The following KLHDC2 variants were observed in gnomAD, a reference collection of about 807,000 sequenced individuals.
KLHDC2 encodes the protein kelch domain-containing protein 2.
Under a neutral mutation model 62.3 loss-of-function variants are expected in KLHDC2, and 38 were observed. That is an observed-to-expected ratio of 0.61 (90% confidence interval 0.47 to 0.80). The LOEUF is 0.80. Ranked by LOEUF, KLHDC2 falls within the 30% of genes least tolerant of loss-of-function variation. KLHDC2 has a pLI of 0.00. For missense variants in KLHDC2, 430 were observed against 495.3 expected (o/e 0.87, Z 1.25); for synonymous variants, 159 against 161.0 (o/e 0.99, Z 0.09).
At position 49,768,501 on chromosome 14, in the gene KLHDC2, C is replaced by T. The variant is rs1170456704; in HGVS notation, c.33C>T (p.Asp11=). MADGNEDLRA[D]DLPGPAFESY... ...ATGGCAACGAGGATCTGCGGGCTGA[C>T]GACTTGCCTGGGCCAGCCTTCGAGA... The change falls in exon 1 of 13, where the codon GAC becomes GAT. Residue 11 remains aspartate (D), a synonymous_variant. Transcript: ENST00000298307. 6.2e-6 allele frequency: 10 copies of T among 1,609,992 alleles called. No individual in the cohort carries two copies. The Middle Eastern group carries it at 5.0e-4, about 80-fold the overall frequency.
chr14:49,771,824 C>A, intron 2 of KLHDC2, 151 bp downstream of exon 2: 1 of 520,304 alleles, frequency 1.9e-6, no homozygotes, highest in East Asian at 3.4e-5. Flanking sequence ...GGTGAAACCC[C>A]ATCTCTATTA....
rs780267278 is a variant in KLHDC2 at position 49,785,061 on chromosome 14, A to T, written c.*2108A>T. On this transcript the variant is annotated 3_prime_UTR_variant, in exon 13 of 13. Transcript: ENST00000298307. ...ACTGTTAAGTCACTGAACTGTTTAA[A>T]ATCATAATTCAAAAAAACAAATTTA... The T allele has an allele frequency of 3.7e-6, 6 of 1,607,906 alleles. No homozygotes were observed. In the East Asian group the frequency reaches 1.1e-4, roughly 30 times the overall value.
Position 49,779,614 on chromosome 14 carries a change from G to A in KLHDC2, c.653G>A (p.Arg218His), listed in dbSNP as rs1426623593. The change falls in exon 7 of 13, where the codon CGT becomes CAT. Residue 218 changes from arginine (R) to histidine (H), a missense_variant. Transcript: ENST00000298307. ...PITTGKAPSPRAAHACATVGN... is the reference protein window; with the variant it reads ...PITTGKAPSPHAAHACATVGN... ...TAATAGGGTAAAGCACCTTCACCTC[G>A]TGCTGCCCATGCCTGTGCAACTGTC... The A allele has an allele frequency of 8.1e-6, 13 of 1,613,926 alleles. No individual in the cohort carries two copies. The highest frequency in any genetic ancestry group is 1.1e-5 in the Non-Finnish European group (13 of 1,179,982).
intron 3 of KLHDC2, chr14:49,774,952 C>T (rs1275730706): frequency 5.5e-6 from 2 of 366,518 alleles, no homozygotes; most frequent in Non-Finnish European, 9.8e-6. Context: ...TCTCTTAGAA[C>T]CTTAAATGTT....
At position 49,782,475 on chromosome 14, in the gene KLHDC2, A is replaced by C; in HGVS notation, c.1044+18A>C. On this transcript the variant is annotated intron_variant, in intron 11 of 12. Transcript: ENST00000298307. ...ACAGAGCTGTAAGTATACTACCTTC[A>C]CATTATTACTGAAACTTACTTGCAA... is the stretch of plus-strand genomic sequence containing the variant. The C allele has an allele frequency of 6.2e-7, 1 of 1,601,244 alleles. No individual in the cohort carries two copies. Among genetic ancestry groups the C allele is most frequent in the Non-Finnish European group, 8.5e-7 (1 of 1,170,780 alleles).
chr14:49,785,225 G>C lies in KLHDC2; in HGVS notation c.*2272G>C. The C allele has an allele frequency of 6.2e-7, 1 of 1,612,642 alleles. No homozygotes were observed. Among genetic ancestry groups the C allele is most frequent in the Non-Finnish European group, 8.5e-7 (1 of 1,178,716 alleles). On this transcript the variant is annotated 3_prime_UTR_variant, in exon 13 of 13. Transcript: ENST00000298307. ...GTCAACTAATGGTAACTTACTTGTA[G>C]TTTGTCATGGTGGTGTAAGGGGCAC... is the stretch of plus-strand genomic sequence containing the variant.
At chr14:49,768,685 C>G in intron 1 of KLHDC2, 64 bp downstream of exon 1, 1 of 1,449,276 alleles carries the variant, frequency 6.9e-7, no homozygotes, top group Non-Finnish European at 9.1e-7. Flanking sequence ...CGTTCGCGGC[C>G]AGGCGGGGAG....
In KLHDC2 at chr14:49,771,644, A is replaced by G. The variant is rs138622163; in HGVS notation, c.204A>G (p.Leu68=). ...ACTTTTATCTGCCTAGAGAAGAACT[A>G]TGGATCTACAACATGGAGACTGGAA... ...LYDFYLPREE[L]WIYNMETGRW... Residue 68 remains leucine, a synonymous_variant, in exon 2 of 13, where the codon CTA becomes CTG. Coordinates refer to ENST00000298307, the MANE Select transcript of KLHDC2 (RefSeq NM_014315.3). 37 of 1,528,904 alleles carry G rather than the reference A, an allele frequency of 2.4e-5. No individual in the cohort carries two copies. Among genetic ancestry groups the G allele is most frequent in the African/African-American group, 1.6e-4 (12 of 73,200 alleles). 94.7% of individuals were successfully genotyped at this position (1,528,904 alleles called of 1,614,324 possible).
In KLHDC2 at chr14:49,768,700, G is replaced by T. The variant is rs1231282227; in HGVS notation, c.153+79G>T. The T allele has an allele frequency of 7.3e-6, 10 of 1,361,896 alleles. No individual in the cohort carries two copies. In the Admixed American group the frequency reaches 9.6e-5, roughly 13 times the overall value. 84.4% of individuals were successfully genotyped at this position (1,361,896 alleles called of 1,614,324 possible). The stretch of plus-strand genomic sequence containing the variant: ...CGTTCGCGGCCAGGCGGGGAGGCCA[G>T]AGCGGGCCGCCGAGGGCGCTCCCCG... On this transcript the variant is annotated intron_variant, in intron 1 of 12. Transcript: ENST00000298307.
intron 12 of KLHDC2, 58 bp downstream of exon 12, chr14:49,782,652 G>GA: frequency 1.4e-6 from 2 of 1,445,320 alleles, no homozygotes; most frequent in Non-Finnish European, 1.9e-6. Context: ...CTAAGACTTA[G>GA]CACTCTCGAA....
Position 49,778,120 on chromosome 14 carries a change from C to G in KLHDC2, c.468-58C>G. The G allele has an allele frequency of 2.5e-6, 3 of 1,178,016 alleles. No homozygotes were observed. In the South Asian group the frequency reaches 3.9e-5, roughly 15 times the overall value. 73.0% of individuals were successfully genotyped at this position (1,178,016 alleles called of 1,614,324 possible). ...TTAACACAGCACCTAAGATAAACTG[C>G]TTGTATCCTATCCTATGGGTATTTG... On this transcript the variant is annotated intron_variant, in intron 4 of 12. Transcript: ENST00000298307.
Position 49,768,430 on chromosome 14 carries a change from G to T in KLHDC2, c.-39G>T, listed in dbSNP as rs1414697001. 2 of 1,596,910 alleles carry T rather than the reference G, an allele frequency of 1.3e-6. No homozygotes were observed. The highest frequency in any genetic ancestry group is 1.7e-6 in the Non-Finnish European group (2 of 1,172,436). Reference sequence around the variant, plus strand: ...TCCTTTGTTTTTTTGGCCCCTCGCGGGTGTGGGCATTGTTGGTTAGCAAAA... The same window carrying T: ...TCCTTTGTTTTTTTGGCCCCTCGCGTGTGTGGGCATTGTTGGTTAGCAAAA... On this transcript the variant is annotated 5_prime_UTR_variant, in exon 1 of 13. Coordinates refer to ENST00000298307, the MANE Select transcript of KLHDC2 (RefSeq NM_014315.3).
chr14:49,781,439 G>T (rs1290365105), intron 10 of KLHDC2, among the ~76,000 whole-genome samples: 1 of 151,360 alleles, frequency 6.6e-6, no homozygotes, highest in African/African-American at 2.4e-5. Flanking sequence ...CACATGGGAG[G>T]CGAGGTACAG....
At chr14:49,772,695 G>A (rs771971868) in intron 2 of KLHDC2, among the ~76,000 whole-genome samples, 1 of 152,158 alleles carries the variant, frequency 6.6e-6, no homozygotes, top group African/African-American at 2.4e-5. Context: ...TGTGGCTCAC[G>A]CCTGTAATCC....
In KLHDC2 at chr14:49,782,849, A is replaced by G; in HGVS notation, c.1117A>G (p.Ile373Val). ...TTTCAGGCTAAGCTTAGAAGCAGTC[A>G]TTTGCTTTAAAGAAATGTTAGCCAA... ...SLVRLSLEAV[I>V]CFKEMLANSW... The change falls in exon 13 of 13, where the codon ATT becomes GTT. Residue 373 changes from isoleucine to valine, a missense_variant. By Grantham distance (29) the Ile-to-Val change is conservative. Transcript: ENST00000298307. 6.2e-7 allele frequency: 1 copy of G among 1,613,820 alleles called. No individual in the cohort carries two copies. Among genetic ancestry groups the G allele is most frequent in the South Asian group, 1.1e-5 (1 of 91,042 alleles).
intron 1 of KLHDC2, 31 bp downstream of exon 1, chr14:49,768,652 C>T (rs1889595357): frequency 6.5e-7 from 1 of 1,546,590 alleles, no homozygotes; most frequent in Non-Finnish European, 8.7e-7. Flanking sequence ...CGACGGACGT[C>T]GCTCGGCTGT....
intron 3 of KLHDC2, among the ~76,000 whole-genome samples, chr14:49,776,837 T>A (rs1889782749): frequency 1.1e-4 from 1 of 8,902 alleles, no homozygotes; most frequent in South Asian, 0.25. Context: ...AAGAATTGCT[T>A]GAACCCAGGG....
At chr14:49,773,570 C>CTT (rs569284056) in intron 2 of KLHDC2, among the ~76,000 whole-genome samples, 37 of 74,148 alleles carry the variant, frequency 5.0e-4, no homozygotes, top group African/African-American at 1.9e-3. Flanking sequence ...AAAATAATAA[C>CTT]TTTTTTTTTT....
At chr14:49,774,180 T>G (rs745502799) in intron 2 of KLHDC2, among the ~76,000 whole-genome samples, 1 of 152,218 alleles carries the variant, frequency 6.6e-6, no homozygotes, top group Non-Finnish European at 1.5e-5. Flanking sequence ...CTATCAGCAC[T>G]GGGAATGTTG....
Sources: allele counts gnomAD v4.1 joint callset (sites outside exome capture counted in the v4.1 genomes callset), GRCh38; gene constraint gnomAD v4.1.1; transcripts MANE v1.5; gene names NCBI Gene and HGNC (gene_info 2026-07-23, HGNC 2026-07-21).